Variants in ZNF641 observed in about 807,000 individuals in gnomAD.
ZNF641 encodes the protein zinc finger protein 641.
In ZNF641, 26 loss-of-function variants were observed where a neutral mutation model predicts 46.2. That is an observed-to-expected ratio of 0.56 (90% CI 0.41 to 0.78). ZNF641 has a LOEUF of 0.78. ZNF641 is among the 30% of genes least tolerant of loss of function. ZNF641 has a pLI of 0.00. For synonymous variants in ZNF641, 163 were observed against 187.9 expected (o/e 0.87, Z 1.09); for missense variants, 469 against 517.8 (o/e 0.91, Z 0.91).
chr12:48,342,337 T>C lies in ZNF641; in HGVS notation c.*636A>G. ...GACAGACCCACACATGAACAAGGTC[T>C]GGCCCCCCTGGCTTTCATATGGATA... On this transcript the variant is annotated 3_prime_UTR_variant, in exon 6 of 6. Coordinates refer to ENST00000547026, the MANE Select transcript of ZNF641 (RefSeq NM_001172681.2). 1.0e-6 allele frequency: 1 copy of C among 985,862 alleles called. No individual in the cohort carries two copies. Among genetic ancestry groups the C allele is most frequent in the African/African-American group, 1.7e-5 (1 of 57,346 alleles). The allele number at this position is 985,862 out of a possible 1,614,324, so 61.1% of individuals were successfully genotyped here. A position where few individuals can be genotyped will look rare whatever the true frequency, so the allele number is the denominator to read the frequency against.
intron 2 of ZNF641, 50 bp from the exon 3 acceptor site, chr12:48,347,393 C>T: frequency 6.6e-7 from 1 of 1,519,326 alleles, no homozygotes; most frequent in East Asian, 2.3e-5. Flanking sequence ...TACCCTTTCT[C>T]AATGGGGCCT....
At chr12:48,348,869 G>T (rs1232440307) in intron 1 of ZNF641, among the ~76,000 whole-genome samples, 2 of 152,226 alleles carry the variant, frequency 1.3e-5, no homozygotes, top group African/African-American at 4.8e-5. Context: ...AGCTGGAAAA[G>T]GGGGGAAGAA....
Position 48,337,942 on chromosome 12 carries a change from G to C in ZNF641, c.*5031C>G, listed in dbSNP as rs972431964. 4 of 152,408 alleles carry C rather than the reference G, an allele frequency of 2.6e-5. No individual in the cohort carries two copies. The highest frequency in any genetic ancestry group is 5.9e-5 in the Non-Finnish European group (4 of 68,114). The allele number at this position is 152,408 out of a possible 1,614,324, so 9.4% of individuals were successfully genotyped here. A position where few individuals can be genotyped will look rare whatever the true frequency, so the allele number is the denominator to read the frequency against. The stretch of plus-strand genomic sequence containing the variant: ...TTTGGAAGTTACCTGATTGGAAGAA[G>C]AACCTCTAGGGAATGGAGTAGAGGG... On this transcript the variant is annotated 3_prime_UTR_variant, in exon 6 of 6. Coordinates refer to ENST00000547026, the MANE Select transcript of ZNF641 (RefSeq NM_001172681.2).
intron 1 of ZNF641, among the ~76,000 whole-genome samples, chr12:48,348,696 C>T (rs1461125215): frequency 6.6e-6 from 1 of 152,218 alleles, no homozygotes; most frequent in African/African-American, 2.4e-5. Context: ...CTTGGTCTAC[C>T]ATCCAATGAA....
rs1952617696 is a variant in ZNF641 at position 48,337,297 on chromosome 12, G to C, written c.*5676C>G. On this transcript the variant is annotated 3_prime_UTR_variant, in exon 6 of 6. Coordinates refer to ENST00000547026, the MANE Select transcript of ZNF641 (RefSeq NM_001172681.2). ...CAATTCAGATAATAGCTAGAAATCT[G>C]ATAGGCACGGAGCAGTTGGGCTGCA... 6.6e-6 allele frequency: 1 copy of C among 152,182 alleles called. No individual in the cohort carries two copies. Among genetic ancestry groups the C allele is most frequent in the Non-Finnish European group, 1.5e-5 (1 of 68,034 alleles). 9.4% of individuals were successfully genotyped at this position (152,182 alleles called of 1,614,324 possible). A position where few individuals can be genotyped will look rare whatever the true frequency, so the allele number is the denominator to read the frequency against.
chr12:48,347,999 C>T lies in ZNF641; in HGVS notation c.92G>A (p.Ser31Asn). ...TGTTCTCCATGGCCGCTCTTCCTGG[C>T]TTCCCCTTTCCACCTGGGGCTCTGC... is the stretch of plus-strand genomic sequence containing the variant. ...DGAEPQVERGSQEERPWRTVP... is the reference protein window; with the variant it reads ...DGAEPQVERGNQEERPWRTVP... The change falls in exon 2 of 6, where the codon AGC becomes AAC. Residue 31 changes from serine to asparagine, a missense_variant. This residue lies in a region of ZNF641 where 98 missense variants were observed against 105.7 expected (regional missense o/e 0.93). Transcript: ENST00000547026. 1 of 1,614,268 alleles carries T rather than the reference C, an allele frequency of 6.2e-7. No homozygotes were observed. Among genetic ancestry groups the T allele is most frequent in the South Asian group, 1.1e-5 (1 of 91,090 alleles).
At chr12:48,345,509 G>A (rs745893658) in intron 3 of ZNF641, 35 bp from the exon 4 acceptor site, 1 of 1,612,868 alleles carries the variant, frequency 6.2e-7, no homozygotes, top group Non-Finnish European at 8.5e-7. Flanking sequence ...GTCAGCAGCT[G>A]TTTTTTAAGG....
At chr12:48,347,481 A>G in intron 2 of ZNF641, 138 bp from the exon 3 acceptor site, 2 of 708,992 alleles carry the variant, frequency 2.8e-6, no homozygotes, top group Non-Finnish European at 4.5e-6. Flanking sequence ...GCATAAATGT[A>G]GATGAGAAGG....
intron 4 of ZNF641, 188 bp from the exon 5 acceptor site, chr12:48,344,900 GA>G (rs1158518660): frequency 1.8e-6 from 1 of 553,444 alleles, no homozygotes; most frequent in African/African-American, 1.9e-5. Flanking sequence ...TCTCTGCCTA[GA>G]AAATCACTCT....
At position 48,350,867 on chromosome 12, in the gene ZNF641, G is replaced by A. The variant is rs1953016507; in HGVS notation, c.-107C>T. 3.0e-6 allele frequency: 3 copies of A among 985,160 alleles called. No individual in the cohort carries two copies. The highest frequency in any genetic ancestry group is 3.6e-6 in the Non-Finnish European group (3 of 829,816). The allele number at this position is 985,160 out of a possible 1,614,324, so 61.0% of individuals were successfully genotyped here. On this transcript the variant is annotated 5_prime_UTR_variant, in exon 1 of 6. Transcript: ENST00000547026. ...CCCCTCCGCCCTCCGCTTGCGTCTG[G>A]GAGCCGGCGGCCGGCGGAGCCAGCG...
chr12:48,343,429 A>G lies in ZNF641; in HGVS notation c.819T>C (p.Thr273=). The G allele has an allele frequency of 6.2e-7, 1 of 1,614,160 alleles. No homozygotes were observed. The change falls in exon 6 of 6, where the codon ACT becomes ACC. Residue 273 remains threonine, a synonymous_variant. Coordinates refer to ENST00000547026, the MANE Select transcript of ZNF641 (RefSeq NM_001172681.2). ...TGAGGCAGCTGTAGGGTCTCTCCCC[A>G]GTGTGTGTTTGTTGATGCCTGGCAA... ...SHLARHQQTH[T]GERPYSCLKC...
rs1952751307 is a variant in ZNF641, at chr12:48,342,800, A to G, written c.*173T>C. Reference sequence around the variant, plus strand: ...CCAAAGAACTCTATTTTTATGTGCTATCTCACAGAACTGGTGAGAAATGCT... The same window carrying G: ...CCAAAGAACTCTATTTTTATGTGCTGTCTCACAGAACTGGTGAGAAATGCT... On this transcript the variant is annotated 3_prime_UTR_variant, in exon 6 of 6. Coordinates refer to ENST00000547026, the MANE Select transcript of ZNF641 (RefSeq NM_001172681.2). 1 of 1,422,328 alleles carries G rather than the reference A, an allele frequency of 7.0e-7. No homozygotes were observed. Among genetic ancestry groups the G allele is most frequent in the South Asian group, 1.6e-5 (1 of 63,818 alleles). The allele number at this position is 1,422,328 out of a possible 1,614,324, so 88.1% of individuals were successfully genotyped here.
chr12:48,342,670 T>A lies in ZNF641; in HGVS notation c.*303A>T. ...CTGGTATAGCATAGACTCCAACCAA[T>A]CAGAATGGATTTCAGCCATAAACTG... On this transcript the variant is annotated 3_prime_UTR_variant, in exon 6 of 6. Transcript: ENST00000547026. 6 of 738,968 alleles carry A rather than the reference T, an allele frequency of 8.1e-6. 1 individual carries two copies. In the South Asian group the frequency reaches 1.9e-4, roughly 24 times the overall value. 45.8% of individuals were successfully genotyped at this position (738,968 alleles called of 1,614,324 possible).
chr12:48,342,112 G>GC lies in ZNF641; in HGVS notation c.*860_*861insG. ...AGAGGGGACTGTTCAAGGGGATAAA[G>GC]TTTTTTTTGTTTTTCTGTTTTTCTG... On this transcript the variant is annotated 3_prime_UTR_variant, in exon 6 of 6. Transcript: ENST00000547026. 1.0e-6 allele frequency: 1 copy of GC among 985,296 alleles called. No individual in the cohort carries two copies. Among genetic ancestry groups the GC allele is most frequent in the Non-Finnish European group, 1.2e-6 (1 of 829,938 alleles). 61.0% of individuals were successfully genotyped at this position (985,296 alleles called of 1,614,324 possible). A position where few individuals can be genotyped will look rare whatever the true frequency, so the allele number is the denominator to read the frequency against.
chr12:48,340,268 G>A lies in ZNF641; in HGVS notation c.*2705C>T. On this transcript the variant is annotated 3_prime_UTR_variant, in exon 6 of 6. Transcript: ENST00000547026. The stretch of plus-strand genomic sequence containing the variant: ...TAGACTCCATGATGCCTTTCAGCTG[G>A]GTGCTATACTTGCACCTAACTCTGG... The A allele has an allele frequency of 3.0e-6, 3 of 985,362 alleles. No individual in the cohort carries two copies. The highest frequency in any genetic ancestry group is 3.6e-6 in the Non-Finnish European group (3 of 829,916). 61.0% of individuals were successfully genotyped at this position (985,362 alleles called of 1,614,324 possible). A position where few individuals can be genotyped will look rare whatever the true frequency, so the allele number is the denominator to read the frequency against.
chr12:48,345,844 C>G (rs917608274), intron 3 of ZNF641, among the ~76,000 whole-genome samples: 1 of 152,134 alleles, frequency 6.6e-6, no homozygotes, highest in Non-Finnish European at 1.5e-5. Context: ...TCCACTGGAC[C>G]CTGCCTTTTC....
In ZNF641 at chr12:48,348,098, G is replaced by A; in HGVS notation, c.-8C>T. 6.2e-7 allele frequency: 1 copy of A among 1,614,160 alleles called. No individual in the cohort carries two copies. Among genetic ancestry groups the A allele is most frequent in the Non-Finnish European group, 8.5e-7 (1 of 1,180,052 alleles). On this transcript the variant is annotated 5_prime_UTR_variant, in exon 2 of 6. Coordinates refer to ENST00000547026, the MANE Select transcript of ZNF641 (RefSeq NM_001172681.2). Reference sequence around the variant, plus strand: ...TGTCTGTTCTGAAAGCATTTCTGCTGCAGACCCAAATTGTGACCTGGAACA... The same window carrying A: ...TGTCTGTTCTGAAAGCATTTCTGCTACAGACCCAAATTGTGACCTGGAACA...
Position 48,339,851 on chromosome 12 carries a change from A to G in ZNF641, c.*3122T>C. ...CAATTAGAACTAAGGCGTAAAGTGT[A>G]AATAGCCTGGTGAAAAGCTAACACT... On this transcript the variant is annotated 3_prime_UTR_variant, in exon 6 of 6. Transcript: ENST00000547026. The G allele has an allele frequency of 1.2e-6, 1 of 859,628 alleles. No individual in the cohort carries two copies. The highest frequency in any genetic ancestry group is 1.4e-6 in the Non-Finnish European group (1 of 714,918). The allele number at this position is 859,628 out of a possible 1,614,324, so 53.3% of individuals were successfully genotyped here. A position where few individuals can be genotyped will look rare whatever the true frequency, so the allele number is the denominator to read the frequency against.
At position 48,339,972 on chromosome 12, in the gene ZNF641, G is replaced by T; in HGVS notation, c.*3001C>A. 1 of 985,412 alleles carries T rather than the reference G, an allele frequency of 1.0e-6. No individual in the cohort carries two copies. Among genetic ancestry groups the T allele is most frequent in the Non-Finnish European group, 1.2e-6 (1 of 829,918 alleles). 61.0% of individuals were successfully genotyped at this position (985,412 alleles called of 1,614,324 possible). A position where few individuals can be genotyped will look rare whatever the true frequency, so the allele number is the denominator to read the frequency against. On this transcript the variant is annotated 3_prime_UTR_variant, in exon 6 of 6. Coordinates refer to ENST00000547026, the MANE Select transcript of ZNF641 (RefSeq NM_001172681.2). ...CAGAATAGGGTGGAGGTACCAGATG[G>T]AAAAATGTGACAGGTTCCTGAAGAT... is the stretch of plus-strand genomic sequence containing the variant.
Sources: gnomAD v4.1 joint callset for allele counts (sites outside exome capture counted in the v4.1 genomes callset) on GRCh38, gnomAD v4.1.1 for gene constraint, gnomAD v4.1.1 regional missense constraint, MANE v1.5 for transcripts, NCBI Gene and HGNC (gene_info 2026-07-23, HGNC 2026-07-21) for gene names.